ALG1L2: variants seen among roughly 807,000 people sequenced by gnomAD.
ALG1L2 encodes putative glycosyltransferase ALG1L2.
Under a neutral mutation model 29.0 loss-of-function variants are expected in ALG1L2, and 32 were observed. The ratio of observed to expected loss-of-function variants is 1.10; its 90% CI spans 0.83 to 1.48. The LOEUF is 1.48. Among genes scored for constraint, ALG1L2 ranks in the 40% most tolerant of loss-of-function variants. The pLI is 0.00. For missense variants in ALG1L2, 318 were observed against 274.1 expected (o/e 1.16, Z -1.13); for synonymous variants, 110 against 109.5 (o/e 1.00, Z -0.03).
rs563381508 is a variant in ALG1L2, at chr3:130,098,134, G to C, written c.616-89G>C. ...GTGAGGGAGCTAGGGACTTGGGAGG[G>C]GTTGTTGTTGGGTCGGGGAGCTGGG... On this transcript the variant is annotated intron_variant, in intron 7 of 7. Transcript: ENST00000425059. The C allele has an allele frequency of 7.5e-5, 116 of 1,553,850 alleles. No individual in the cohort carries two copies. In the East Asian group the frequency reaches 2.6e-3, roughly 35 times the overall value.
chr3:130,098,115 G>C (rs573878433), intron 7 of ALG1L2, 108 bp from the exon 8 acceptor site: 1 of 1,444,734 alleles, frequency 6.9e-7, no homozygotes, highest in South Asian at 1.2e-5. Context: ...CCAAGTGAGG[G>C]AGCTAGGGAC....
intron 5 of ALG1L2, among the ~76,000 whole-genome samples, chr3:130,095,272 C>T (rs1488660562): frequency 6.6e-6 from 1 of 151,964 alleles, no homozygotes; most frequent in African/African-American, 2.4e-5. Context: ...CTCAAGTGAT[C>T]CTCTCGCCTT....
In ALG1L2 at chr3:130,093,118, C is replaced by T. The variant is rs753549530; in HGVS notation, c.271C>T (p.Leu91Phe). 5 of 1,607,764 alleles carry T rather than the reference C, an allele frequency of 3.1e-6. No homozygotes were observed. Among genetic ancestry groups the T allele is most frequent in the South Asian group, 1.1e-5 (1 of 90,810 alleles). ...TSWTEFEQLT[L>F]DGQNLPSLVC... ...AAACACAGAGTTTGAACAACTGACT[C>T]TTGACGGACAGAACCTTCCTTCTCT... The change falls in exon 4 of 8, where the codon CTT (leucine) becomes TTT (phenylalanine). Residue 91 changes from leucine to phenylalanine, a missense_variant. By Grantham distance (22) the Leu-to-Phe change is conservative. Coordinates refer to ENST00000425059, the MANE Select transcript of ALG1L2 (RefSeq NM_001136152.1).
Position 130,097,249 on chromosome 3 carries a change from A to T in ALG1L2, c.614A>T (p.Gln205Leu), listed in dbSNP as rs776262075. 1 of 1,607,378 alleles carries T rather than the reference A, an allele frequency of 6.2e-7. No individual in the cohort carries two copies. Among genetic ancestry groups the T allele is most frequent in the Middle Eastern group, 2.2e-4 (1 of 4,450 alleles). The change falls in exon 7 of 8, where the codon CAG (glutamine) becomes CTG (leucine). Residue 205 changes from glutamine to leucine, a missense_variant and splice_region_variant. By Grantham distance (113) the Gln-to-Leu change is moderately radical. Coordinates refer to ENST00000425059, the MANE Select transcript of ALG1L2 (RefSeq NM_001136152.1). ...EDSEELAAQLQYFADAFLKLS is the reference protein window; with the variant it reads ...EDSEELAAQLLYFADAFLKLS The stretch of plus-strand genomic sequence containing the variant: ...TCAGAGGAACTGGCAGCTCAGCTGC[A>T]GGTAGCCATGTCTGCCACCACGCCA...
intron 1 of ALG1L2, among the ~76,000 whole-genome samples, chr3:130,087,865 C>G (rs1163179988): frequency 1.2e-5 from 1 of 80,990 alleles, no homozygotes; most frequent in Non-Finnish European, 3.3e-5. Context: ...TGCCCAGGCC[C>G]CAACCCAGAG....
At chr3:130,097,749 G>T (rs193052673) in intron 7 of ALG1L2, among the ~76,000 whole-genome samples, 13,517 of 152,154 alleles carry the variant, frequency 0.089, 594 homozygotes, top group East Asian at 0.17. Flanking sequence ...GTACTCTGTT[G>T]TGGTGTGAAA....
At chr3:130,095,832 A>G (rs1935117422) in intron 5 of ALG1L2, among the ~76,000 whole-genome samples, 1 of 152,196 alleles carries the variant, frequency 6.6e-6, no homozygotes, top group South Asian at 2.1e-4. Context: ...CAAAAAAATC[A>G]AATTGTGGTT....
chr3:130,088,752 C>T (rs868279483), intron 1 of ALG1L2, among the ~76,000 whole-genome samples: 19 of 152,394 alleles, frequency 1.2e-4, no homozygotes, highest in Middle Eastern at 6.8e-3. Flanking sequence ...AGCTCCCCTG[C>T]ACAACTCTCT....
At chr3:130,090,043 C>T (rs1441334255) in intron 1 of ALG1L2, among the ~76,000 whole-genome samples, 1 of 151,858 alleles carries the variant, frequency 6.6e-6, no homozygotes, top group African/African-American at 2.4e-5. Flanking sequence ...AAATCCATCT[C>T]TAAATAAATA....
At position 130,091,335 on chromosome 3, in the gene ALG1L2, T is replaced by A. The variant is rs1165406378; in HGVS notation, c.95T>A (p.Met32Lys). Reference protein sequence around the residue: ...APLDLQHRLFMKLGSTHSPFR... With the variant: ...APLDLQHRLFKKLGSTHSPFR... ...CTGGACCTGCAGCACCGGCTCTTCA[T>A]GAAGCTGGGCAGCACGCACTCTCCG... Residue 32 changes from methionine (M) to lysine (K), a missense_variant, in exon 2 of 8, where the codon ATG becomes AAG. Met to Lys is a moderately conservative substitution (Grantham distance 95). Transcript: ENST00000425059. 1 of 1,597,738 alleles carries A rather than the reference T, an allele frequency of 6.3e-7. No individual in the cohort carries two copies. Among genetic ancestry groups the A allele is most frequent in the East Asian group, 2.2e-5 (1 of 44,892 alleles).
At chr3:130,097,604 C>T (rs1209213862) in intron 7 of ALG1L2, among the ~76,000 whole-genome samples, 2 of 152,200 alleles carry the variant, frequency 1.3e-5, no homozygotes, top group African/African-American at 4.8e-5. Flanking sequence ...GGGTGGAATT[C>T]TGCAAAGGTT....
In ALG1L2 at chr3:130,092,216, T is replaced by C. The variant is rs1470767293; in HGVS notation, c.247T>C (p.Trp83Arg). 6.2e-7 allele frequency: 1 copy of C among 1,610,094 alleles called. No homozygotes were observed. The highest frequency in any genetic ancestry group is 8.5e-7 in the Non-Finnish European group (1 of 1,178,934). Residue 83 changes from tryptophan to arginine, a missense_variant, in exon 3 of 8, where the codon TGG (tryptophan) becomes CGG (arginine). Coordinates refer to ENST00000425059, the MANE Select transcript of ALG1L2 (RefSeq NM_001136152.1). ...RPALLVSSTS[W>R]TEFEQLTLDG... is the part of the protein sequence containing the mutation. ...AGCCCTGCTGGTCAGCAGCACAAGC[T>C]GGACAGGTCTGCATGACCACTGGGG...
Position 130,094,505 on chromosome 3 carries a change from C to T in ALG1L2, c.416C>T (p.Pro139Leu), listed in dbSNP as rs755962795. 57 of 1,594,294 alleles carry T rather than the reference C, an allele frequency of 3.6e-5. No homozygotes were observed. The highest frequency in any genetic ancestry group is 1.3e-4 in the Admixed American group (8 of 59,872). The change falls in exon 5 of 8, where the codon CCG becomes CTG. Residue 139 changes from proline (P) to leucine (L), a missense_variant. Pro to Leu is a moderately conservative substitution (Grantham distance 98). Transcript: ENST00000425059. ...IPWLEGRGLP[P>L]LLGSVDLDVC... ...TGGCTGGAGGGCCGAGGACTACCCC[C>T]GCTTCTAGGTGAGAGGCCAGCAGGA...
chr3:130,092,084 T>A lies in ALG1L2; in HGVS notation c.132-17T>A. 6.2e-6 allele frequency: 10 copies of A among 1,612,908 alleles called. No homozygotes were observed. The highest frequency in any genetic ancestry group is 8.5e-6 in the Non-Finnish European group (10 of 1,179,640). ...CTGCTCTGTGGCCTCTCACAGGGTT[T>A]TTTTCTGCTCCTTCAGCTCAGAACC... On this transcript the variant is annotated splice_polypyrimidine_tract_variant and intron_variant, in intron 2 of 7. Transcript: ENST00000425059.
intron 1 of ALG1L2, among the ~76,000 whole-genome samples, chr3:130,090,527 A>C (rs1169048389): frequency 1.3e-5 from 2 of 152,298 alleles, no homozygotes; most frequent in Admixed American, 1.3e-4. Context: ...ATATTGTGAG[A>C]TAATGCTCAT....
At chr3:130,082,786 G>T (rs1228990980) in intron 1 of ALG1L2, among the ~76,000 whole-genome samples, 1 of 147,432 alleles carries the variant, frequency 6.8e-6, no homozygotes, top group East Asian at 2.0e-4. Flanking sequence ...ATCTTGGGGG[G>T]TCCGCAGTGC....
chr3:130,085,903 T>C (rs1240170889), intron 1 of ALG1L2, among the ~76,000 whole-genome samples: 3 of 151,358 alleles, frequency 2.0e-5, no homozygotes, highest in African/African-American at 7.2e-5. Context: ...TGAAGGTAAA[T>C]ACAAGAAGGA....
At chr3:130,094,568 A>AGG in intron 5 of ALG1L2, 55 bp downstream of exon 5, 9 of 356,486 alleles carry the variant, frequency 2.5e-5, no homozygotes, top group Middle Eastern at 9.5e-4. Flanking sequence ...CAGGGGGAAC[A>AGG]GGGGTGGGCG....
chr3:130,096,498 A>G (rs1202523743), intron 6 of ALG1L2, among the ~76,000 whole-genome samples: 2 of 151,270 alleles, frequency 1.3e-5, no homozygotes, highest in African/African-American at 2.4e-5. Flanking sequence ...TTGCTCCTAG[A>G]GTAGAATTGG....
Sources: allele counts gnomAD v4.1 joint callset (sites outside exome capture counted in the v4.1 genomes callset), GRCh38; gene constraint gnomAD v4.1.1; transcripts MANE v1.5; gene names NCBI Gene and HGNC (gene_info 2026-07-23, HGNC 2026-07-21).